The following AGMO variants were observed in gnomAD, a reference collection of about 807,000 sequenced individuals.
The protein encoded by AGMO is glyceryl-ether monooxygenase.
In AGMO, 75 loss-of-function variants were observed where a neutral mutation model predicts 60.2. That is an observed-to-expected ratio of 1.25 (90% CI 1.03 to 1.51). The LOEUF is 1.51. Among genes scored for constraint, AGMO ranks in the 40% most tolerant of loss-of-function variants. AGMO has a pLI of 0.00. For synonymous variants in AGMO, 261 were observed against 177.1 expected (o/e 1.47, Z -3.76); for missense variants, 763 against 525.5 (o/e 1.45, Z -4.42).
intron 3 of AGMO, among the ~76,000 whole-genome samples, chr7:15,467,285 T>C (rs1397931710): frequency 1.3e-5 from 2 of 152,172 alleles, no homozygotes; most frequent in Admixed American, 6.6e-5. Flanking sequence ...AAGGCATACA[T>C]TTAGGGAACA....
intron 2 of AGMO, among the ~76,000 whole-genome samples, chr7:15,556,125 A>G (rs1037156263): frequency 3.3e-5 from 5 of 151,762 alleles, no homozygotes; most frequent in Admixed American, 2.6e-4. Context: ...CAAGGCCCCT[A>G]GTATAAAAAC....
At position 15,351,191 on chromosome 7, in the gene AGMO, G is replaced by C. The variant is rs865872389; in HGVS notation, c.1263+14323C>G. Among the ~76,000 whole-genome samples, 5 of 152,188 alleles carry C rather than the reference G, an allele frequency of 3.3e-5. 1 individual carries two copies. In the South Asian group the frequency reaches 6.2e-4, roughly 19 times the overall value. On this transcript the variant is annotated intron_variant, in intron 12 of 12. Transcript: ENST00000342526. ...CTAAACAATTCATGGGCAAATGTCT[G>C]CATAATGGGAAAGGGTCCTCATGAA...
chr7:15,144,179 T>C, the AGMO span, among the ~76,000 whole-genome samples: 1 of 152,296 alleles, frequency 6.6e-6, no homozygotes, highest in Non-Finnish European at 1.5e-5. Flanking sequence ...TCTGTGGGTT[T>C]TTTTTCTTAA....
intron 10 of AGMO, among the ~76,000 whole-genome samples, chr7:15,369,412 TTC>T (rs1487220391): frequency 6.6e-6 from 1 of 152,082 alleles, no homozygotes; most frequent in African/African-American, 2.4e-5. Context: ...ATCCCTAGTG[TTC>T]TCTCTTTAAC....
intron 8 of AGMO, among the ~76,000 whole-genome samples, chr7:15,388,164 A>G (rs1385476027): frequency 3.9e-5 from 6 of 152,168 alleles, no homozygotes; most frequent in Admixed American, 3.9e-4. Flanking sequence ...AACCATTAAG[A>G]TTATAAAAAA....
intron 12 of AGMO, among the ~76,000 whole-genome samples, chr7:15,317,748 A>T (rs1327481795): frequency 6.6e-6 from 1 of 151,894 alleles, no homozygotes; most frequent in Non-Finnish European, 1.5e-5. Flanking sequence ...AGTAGAAAAC[A>T]ATTTGTCACA....
chr7:15,315,604 G>A (rs1397686422), intron 12 of AGMO, among the ~76,000 whole-genome samples: 3 of 152,046 alleles, frequency 2.0e-5, no homozygotes, highest in Non-Finnish European at 2.9e-5. Context: ...CCACAGGCAT[G>A]AGCCACTGTG....
chr7:15,140,636 G>A, the AGMO span, among the ~76,000 whole-genome samples: 4 of 151,602 alleles, frequency 2.6e-5, no homozygotes, highest in East Asian at 3.9e-4. Flanking sequence ...CTAGTTCATC[G>A]GTTCTCTCTT....
In AGMO at chr7:15,259,899, CAAAAAAAAAAA is replaced by C. The variant is rs71549927; in HGVS notation, c.1264-58551_1264-58541del. Among the ~76,000 whole-genome samples the C allele has an allele frequency of 7.4e-4, 7 of 9,398 alleles. 1 individual carries two copies. The highest frequency in any genetic ancestry group is 3.5e-4 in the Non-Finnish European group (2 of 5,792). 6.2% of individuals were successfully genotyped at this position (9,398 alleles called of 152,430 possible). On this transcript the variant is annotated intron_variant, in intron 12 of 12. Transcript: ENST00000342526. ...TACCAAGCCAGCACTACAAGAACTG[CAAAAAAAAAAA>C]AAAAAAAAAAAAAAAAGCTCTAAAT...
At chr7:15,350,348 A>G (rs190594154) in intron 12 of AGMO, among the ~76,000 whole-genome samples, 5 of 152,176 alleles carry the variant, frequency 3.3e-5, no homozygotes, top group Admixed American at 1.3e-4. Context: ...AAAAGCATAA[A>G]TTGTATAAAA....
At chr7:15,431,838 G>A (rs908162897) in intron 3 of AGMO, among the ~76,000 whole-genome samples, 1 of 151,604 alleles carries the variant, frequency 6.6e-6, no homozygotes, top group African/African-American at 2.4e-5. Flanking sequence ...TACTGTCTTG[G>A]AATTCATACA....
intron 12 of AGMO, among the ~76,000 whole-genome samples, chr7:15,201,596 A>G (rs1781284850): frequency 6.6e-6 from 1 of 152,178 alleles, no homozygotes; most frequent in Admixed American, 6.5e-5. Flanking sequence ...TGTTTCTTAT[A>G]TTCACAAATC....
intron 12 of AGMO, among the ~76,000 whole-genome samples, chr7:15,244,754 C>A (rs967179657): frequency 3.9e-5 from 6 of 152,050 alleles, no homozygotes; most frequent in African/African-American, 1.4e-4. Context: ...CGGGTTCATG[C>A]CTTTCTCCTG....
intron 12 of AGMO, among the ~76,000 whole-genome samples, chr7:15,207,485 A>T (rs536188191): frequency 2.1e-4 from 32 of 152,198 alleles, no homozygotes; most frequent in Non-Finnish European, 4.1e-4. Flanking sequence ...ATAAACACCG[A>T]CACACTTCTA....
At chr7:15,257,497 C>A (rs981215495) in intron 12 of AGMO, among the ~76,000 whole-genome samples, 37 of 152,102 alleles carry the variant, frequency 2.4e-4, no homozygotes, top group African/African-American at 8.7e-4. Context: ...AAGTGAGTAT[C>A]AACTTTCCTA....
intron 12 of AGMO, among the ~76,000 whole-genome samples, chr7:15,215,008 T>G (rs549105276): frequency 6.6e-6 from 1 of 152,234 alleles, no homozygotes; most frequent in South Asian, 2.1e-4. Context: ...TATTTCAAAC[T>G]TTCAAATGAA....
At chr7:15,132,039 T>C in the AGMO span, among the ~76,000 whole-genome samples, 1 of 152,042 alleles carries the variant, frequency 6.6e-6, no homozygotes, top group South Asian at 2.1e-4. Flanking sequence ...TGTAGCTGCA[T>C]GCATACAGGC....
At chr7:15,345,556 T>G (rs186066916) in intron 12 of AGMO, among the ~76,000 whole-genome samples, 32 of 152,346 alleles carry the variant, frequency 2.1e-4, no homozygotes, top group South Asian at 6.2e-4. Flanking sequence ...GTAATTACTA[T>G]TTTATTTGAT....
intron 12 of AGMO, among the ~76,000 whole-genome samples, chr7:15,335,126 G>C (rs771313298): frequency 1.3e-5 from 2 of 152,136 alleles, no homozygotes; most frequent in African/African-American, 2.4e-5. Context: ...AATGTAAAGT[G>C]TTCCATTTCT....
Sources: gnomAD v4.1 joint callset for allele counts (sites outside exome capture counted in the v4.1 genomes callset) on GRCh38, gnomAD v4.1.1 for gene constraint, MANE v1.5 for transcripts, NCBI Gene and HGNC (gene_info 2026-07-23, HGNC 2026-07-21) for gene names.